NXPE3: variants seen among roughly 807,000 people sequenced by gnomAD.
NXPE3 encodes NXPE family member 3.
A neutral mutation model predicts 46.1 loss-of-function variants in NXPE3; 26 were observed. That is an observed-to-expected ratio of 0.56 (90% CI 0.41 to 0.78). NXPE3 has a LOEUF of 0.78. NXPE3 is among the 30% of genes least tolerant of loss of function. The probability of loss-of-function intolerance (pLI) is 0.00; values close to 1 mark genes in which losing one functional copy is unlikely to be tolerated. For synonymous variants in NXPE3, 272 were observed against 257.9 expected (o/e 1.05, Z -0.52); for missense variants, 620 against 686.0 (o/e 0.90, Z 1.07).
chr3:101,794,225 A>G (rs1446556739), intron 4 of NXPE3, among the ~76,000 whole-genome samples: 1 of 151,960 alleles, frequency 6.6e-6, no homozygotes, highest in Non-Finnish European at 1.5e-5. Flanking sequence ...GATTATAGAG[A>G]AGCTGAAGGG....
chr3:101,815,041 G>C (rs1018788348), intron 6 of NXPE3, among the ~76,000 whole-genome samples: 1 of 152,200 alleles, frequency 6.6e-6, no homozygotes, highest in African/African-American at 2.4e-5. Context: ...AATAGTGTCT[G>C]AGGCAGAGTA....
At chr3:101,816,445 C>T (rs1941973346) in intron 6 of NXPE3, among the ~76,000 whole-genome samples, 1 of 151,926 alleles carries the variant, frequency 6.6e-6, no homozygotes, top group Non-Finnish European at 1.5e-5. Flanking sequence ...CGACAGGCCA[C>T]GGTGTGTGAT....
rs900525893 is a variant in NXPE3, at chr3:101,822,183, G to A, written c.*229G>A. 1.8e-5 allele frequency: 8 copies of A among 452,316 alleles called. No individual in the cohort carries two copies. The South Asian group carries it at 2.2e-4, about 13-fold the overall frequency. 28.0% of individuals were successfully genotyped at this position (452,316 alleles called of 1,614,324 possible). A position where few individuals can be genotyped will look rare whatever the true frequency, so the allele number is the denominator to read the frequency against. On this transcript the variant is annotated 3_prime_UTR_variant, in exon 8 of 8. Coordinates refer to ENST00000273347, the MANE Select transcript of NXPE3 (RefSeq NM_145037.4). ...CTTAGCCATGGTAGAACTCTTAACT[G>A]CATCTACACACTATATTGCTCTTGT...
At chr3:101,821,156 C>G (rs1332119711) in intron 7 of NXPE3, among the ~76,000 whole-genome samples, 1 of 152,002 alleles carries the variant, frequency 6.6e-6, no homozygotes, top group Non-Finnish European at 1.5e-5. Context: ...GAGTCTATCA[C>G]TGATGGTGTT....
intron 5 of NXPE3, among the ~76,000 whole-genome samples, chr3:101,804,761 A>G (rs137915650): frequency 2.0e-5 from 3 of 152,354 alleles, no homozygotes; most frequent in Admixed American, 2.0e-4. Context: ...CAGTTGAACA[A>G]TTAAAATATG....
intron 4 of NXPE3, among the ~76,000 whole-genome samples, chr3:101,792,750 C>A (rs1037220435): frequency 6.6e-6 from 1 of 151,990 alleles, no homozygotes; most frequent in African/African-American, 2.4e-5. Context: ...TATTTGGGCT[C>A]TTTTTGGTTG....
intron 4 of NXPE3, among the ~76,000 whole-genome samples, chr3:101,786,582 T>G (rs1328270981): frequency 6.6e-6 from 1 of 152,220 alleles, no homozygotes; most frequent in African/African-American, 2.4e-5. Context: ...AAGATTCTGT[T>G]AAAGATTTCC....
At chr3:101,779,469 C>G (rs1199715580) in intron 1 of NXPE3, 145 bp downstream of exon 1, 2 of 152,702 alleles carry the variant, frequency 1.3e-5, no homozygotes, top group Non-Finnish European at 2.9e-5. Flanking sequence ...CAGCCCCGTG[C>G]TGATAGGTGC....
At chr3:101,814,373 A>C (rs1941870483) in intron 6 of NXPE3, among the ~76,000 whole-genome samples, 1 of 152,230 alleles carries the variant, frequency 6.6e-6, no homozygotes, top group Non-Finnish European at 1.5e-5. Flanking sequence ...CATGCCCCCG[A>C]CAATTTTTCT....
At chr3:101,794,306 A>G (rs568714617) in intron 4 of NXPE3, among the ~76,000 whole-genome samples, 17 of 152,228 alleles carry the variant, frequency 1.1e-4, no homozygotes, top group African/African-American at 4.1e-4. Context: ...GCATGAGTAT[A>G]TTGTGAGTAT....
intron 7 of NXPE3, among the ~76,000 whole-genome samples, chr3:101,819,295 A>G (rs921038668): frequency 6.6e-6 from 1 of 152,226 alleles, no homozygotes; most frequent in Non-Finnish European, 1.5e-5. Context: ...TCATGGGTGC[A>G]CGTACTAAGT....
chr3:101,810,104 G>A (rs1443212817), intron 6 of NXPE3, among the ~76,000 whole-genome samples: 10 of 152,192 alleles, frequency 6.6e-5, no homozygotes, highest in Non-Finnish European at 1.5e-4. Context: ...TCAAAAGCAA[G>A]GAAAAACAGT....
intron 6 of NXPE3, among the ~76,000 whole-genome samples, chr3:101,809,380 GC>G (rs1252655447): frequency 6.6e-6 from 1 of 152,174 alleles, no homozygotes; most frequent in African/African-American, 2.4e-5. Context: ...CTGTGGACCA[GC>G]AGGGGGCATT....
At chr3:101,802,196 C>T (rs557507336) in intron 5 of NXPE3, among the ~76,000 whole-genome samples, 1 of 152,070 alleles carries the variant, frequency 6.6e-6, no homozygotes, top group African/African-American at 2.4e-5. Flanking sequence ...TTATCTGAGT[C>T]CAAATTAAAG....
intron 4 of NXPE3, among the ~76,000 whole-genome samples, chr3:101,788,043 C>T (rs975270784): frequency 7.2e-5 from 11 of 152,188 alleles, no homozygotes; most frequent in Admixed American, 1.3e-4. Context: ...TTTGCATCCT[C>T]GCCAGCACTT....
chr3:101,791,235 A>G (rs1298389145), intron 4 of NXPE3, among the ~76,000 whole-genome samples: 1 of 152,196 alleles, frequency 6.6e-6, no homozygotes, highest in Admixed American at 6.5e-5. Context: ...TAAGGATAAC[A>G]GCCTACAGCT....
At position 101,801,540 on chromosome 3, in the gene NXPE3, A is replaced by G; in HGVS notation, c.399A>G (p.Gln133=). The change falls in exon 5 of 8, where the codon CAA becomes CAG. Residue 133 remains glutamine, a synonymous_variant. Coordinates refer to ENST00000273347, the MANE Select transcript of NXPE3 (RefSeq NM_145037.4). ...TGCTGGTTCATGTGCAGGATTTTCA[A>G]AGAAAGCCCAAGAAGTATGGTGGAG... The part of the protein sequence containing the change: ...LEVLVHVQDF[Q]RKPKKYGGDY... The G allele has an allele frequency of 6.2e-7, 1 of 1,614,186 alleles. No homozygotes were observed.
rs1940108805 is a variant in NXPE3, at chr3:101,785,559, A to G, written c.-38A>G. 5 of 1,544,854 alleles carry G rather than the reference A, an allele frequency of 3.2e-6. No homozygotes were observed. Among genetic ancestry groups the G allele is most frequent in the South Asian group, 1.1e-5 (1 of 89,754 alleles). On this transcript the variant is annotated 5_prime_UTR_variant, in exon 4 of 8. An upstream start codon of the reference 5' UTR is lost. Coordinates refer to ENST00000273347, the MANE Select transcript of NXPE3 (RefSeq NM_145037.4). ...TGGAATTTTAAAGAGTGAAGGTAGCATGGTGTCGGCCATGGGTGAACAAGA... is the reference window on the plus strand; with the variant it reads ...TGGAATTTTAAAGAGTGAAGGTAGCGTGGTGTCGGCCATGGGTGAACAAGA...
chr3:101,793,627 C>CTT lies in NXPE3; in HGVS notation c.94-7580_94-7579dup. The stretch of plus-strand genomic sequence containing the variant: ...TTTTTTTTGTATTAATTGACAAGGT[C>CTT]TTTTTTTTTTTTTTTTTTTTTTTTT... On this transcript the variant is annotated intron_variant, in intron 4 of 7. Coordinates refer to ENST00000273347, the MANE Select transcript of NXPE3 (RefSeq NM_145037.4). 1.1e-3 allele frequency among the ~76,000 whole-genome samples: 22 copies of CTT among 19,400 alleles called. 1 individual carries two copies. Among genetic ancestry groups the CTT allele is most frequent in the Admixed American group, 2.6e-3 (3 of 1,136 alleles). The allele number at this position is 19,400 out of a possible 152,430, so 12.7% of individuals were successfully genotyped here.
Sources: gnomAD v4.1 joint callset for allele counts (sites outside exome capture counted in the v4.1 genomes callset) on GRCh38, gnomAD v4.1.1 for gene constraint, MANE v1.5 for transcripts, NCBI Gene and HGNC (gene_info 2026-07-23, HGNC 2026-07-21) for gene names.